Variants in NRG1 observed in about 807,000 individuals in gnomAD.
NRG1 encodes neuregulin 1, also known as pro-neuregulin-1, membrane-bound isoform.
A neutral mutation model predicts 63.8 loss-of-function variants in NRG1; 18 were observed. The observed-to-expected ratio is 0.28, with a 90% confidence interval of 0.19 to 0.42. NRG1 has a LOEUF of 0.42. Ranked by LOEUF, NRG1 falls within the 10% of genes least tolerant of loss-of-function variation. The pLI is 1.00. For missense variants in NRG1, 762 were observed against 814.7 expected, an observed-to-expected ratio of 0.94 and a Z score of 0.79; for synonymous variants, 302 against 301.3, an observed-to-expected ratio of 1.00 and a Z score of -0.02.
chr8:31,690,881 G>A (rs1425280550), intron 1 of NRG1, among the ~76,000 whole-genome samples: 1 of 152,198 alleles, frequency 6.6e-6, no homozygotes, highest in Non-Finnish European at 1.5e-5. Flanking sequence ...TCCAAGGGTA[G>A]ATGGTGAGAA....
intron 1 of NRG1, among the ~76,000 whole-genome samples, chr8:31,883,892 A>G (rs567970394): frequency 3.3e-5 from 5 of 152,190 alleles, no homozygotes; most frequent in Admixed American, 1.3e-4. Context: ...ATTCTGTAAC[A>G]TCTTAGCATC....
intron 6 of NRG1, among the ~76,000 whole-genome samples, chr8:32,737,247 A>G (rs565691995): frequency 6.6e-6 from 1 of 152,242 alleles, no homozygotes; most frequent in South Asian, 2.1e-4. Context: ...GATACTGGGA[A>G]TTTCTGTAAA....
chr8:32,050,555 C>G (rs970038085), intron 1 of NRG1, among the ~76,000 whole-genome samples: 1 of 152,138 alleles, frequency 6.6e-6, no homozygotes, highest in African/African-American at 2.4e-5. Context: ...CATTTCCACA[C>G]CTCCACAGAC....
At chr8:31,833,243 C>T (rs1825342553) in intron 1 of NRG1, among the ~76,000 whole-genome samples, 1 of 152,132 alleles carries the variant, frequency 6.6e-6, no homozygotes, top group African/African-American at 2.4e-5. Context: ...TTTGTTTACA[C>T]AAAGGCTATG....
intron 1 of NRG1, among the ~76,000 whole-genome samples, chr8:31,982,315 G>T (rs1310766381): frequency 6.6e-6 from 1 of 152,036 alleles, no homozygotes; most frequent in Non-Finnish European, 1.5e-5. Context: ...ACATAGATTT[G>T]AAAAGATCAT....
At chr8:32,274,117 T>C (rs1451074907) in intron 1 of NRG1, among the ~76,000 whole-genome samples, 1 of 152,160 alleles carries the variant, frequency 6.6e-6, no homozygotes, top group African/African-American at 2.4e-5. Flanking sequence ...AAAAAGACAG[T>C]GACTTTGGGT....
At chr8:32,514,280 T>TGC (rs201791068) in intron 1 of NRG1, among the ~76,000 whole-genome samples, 2,201 of 152,224 alleles carry the variant, frequency 0.014, 30 homozygotes, top group Middle Eastern at 0.027. Flanking sequence ...TTTCTGCTAT[T>TGC]GTGTGTGTAT....
At chr8:32,171,054 C>G (rs1839971821) in intron 1 of NRG1, among the ~76,000 whole-genome samples, 1 of 151,988 alleles carries the variant, frequency 6.6e-6, no homozygotes, top group Non-Finnish European at 1.5e-5. Context: ...TCTTTACTTC[C>G]TGTGTGTCTA....
chr8:32,155,824 T>C (rs1838002719), intron 1 of NRG1, among the ~76,000 whole-genome samples: 1 of 152,344 alleles, frequency 6.6e-6, no homozygotes, highest in South Asian at 2.1e-4. Flanking sequence ...CTTACTGCCT[T>C]TTTATTTCTT....
intron 1 of NRG1, among the ~76,000 whole-genome samples, chr8:32,464,603 G>T (rs1030972148): frequency 3.3e-5 from 5 of 152,002 alleles, no homozygotes; most frequent in Non-Finnish European, 7.4e-5. Flanking sequence ...TTTCTGAAGG[G>T]GTTCTGTCAC....
intron 1 of NRG1, among the ~76,000 whole-genome samples, chr8:32,531,924 G>T (rs1831492352): frequency 6.6e-6 from 1 of 152,178 alleles, no homozygotes; most frequent in African/African-American, 2.4e-5. Context: ...TAGAATAACT[G>T]CAATGTATGG....
intron 1 of NRG1, among the ~76,000 whole-genome samples, chr8:32,273,258 C>G (rs1387829333): frequency 6.6e-6 from 1 of 152,114 alleles, no homozygotes; most frequent in Non-Finnish European, 1.5e-5. Flanking sequence ...AAAAGCTCAT[C>G]ATTTAAAGTT....
intron 5 of NRG1, among the ~76,000 whole-genome samples, chr8:32,712,039 G>T (rs923468025): frequency 6.6e-6 from 1 of 152,050 alleles, no homozygotes; most frequent in African/African-American, 2.4e-5. Flanking sequence ...TACCCTTACC[G>T]TACATGGCCC....
chr8:32,275,668 C>T (rs941609188), intron 1 of NRG1, among the ~76,000 whole-genome samples: 2 of 152,068 alleles, frequency 1.3e-5, no homozygotes, highest in Non-Finnish European at 2.9e-5. Context: ...GAGAAGTAAC[C>T]GTACGTCAAA....
intron 1 of NRG1, among the ~76,000 whole-genome samples, chr8:32,135,500 G>A (rs900297382): frequency 6.6e-6 from 1 of 151,980 alleles, no homozygotes; most frequent in African/African-American, 2.4e-5. Flanking sequence ...GGCTTAGCAG[G>A]GTGGGCACAA....
At chr8:32,003,457 C>A (rs557594450) in intron 1 of NRG1, among the ~76,000 whole-genome samples, 19 of 152,014 alleles carry the variant, frequency 1.2e-4, no homozygotes, top group African/African-American at 4.3e-4. Context: ...TTAACAAATT[C>A]AAAAGCGTGG....
chr8:32,626,152 C>T (rs1324462338), intron 5 of NRG1, among the ~76,000 whole-genome samples: 1 of 152,048 alleles, frequency 6.6e-6, no homozygotes, highest in Non-Finnish European at 1.5e-5. Flanking sequence ...TACTATATTT[C>T]AGCATGAGGC....
intron 1 of NRG1, among the ~76,000 whole-genome samples, chr8:32,575,061 G>A (rs892876858): frequency 6.6e-6 from 1 of 152,086 alleles, no homozygotes; most frequent in Non-Finnish European, 1.5e-5. Flanking sequence ...GAATAAAGCT[G>A]AACAGCAGAT....
At chr8:31,966,469 G>A (rs1345440139) in intron 1 of NRG1, among the ~76,000 whole-genome samples, 1 of 152,208 alleles carries the variant, frequency 6.6e-6, no homozygotes, top group African/African-American at 2.4e-5. Flanking sequence ...CAAAATTCAA[G>A]AGACTCCTAA....
Sources: allele counts gnomAD v4.1 joint callset (sites outside exome capture counted in the v4.1 genomes callset), GRCh38; gene constraint gnomAD v4.1.1; transcripts MANE v1.5; gene names NCBI Gene and HGNC (gene_info 2026-07-23, HGNC 2026-07-21).